The following BCKDHB variants were observed in gnomAD, a reference collection of about 807,000 sequenced individuals.
The protein encoded by BCKDHB is 2-oxoisovalerate dehydrogenase subunit beta, mitochondrial.
BCKDHB carries 41 observed loss-of-function variants against 48.5 expected under a neutral mutation model. The ratio of observed to expected loss-of-function variants is 0.85; its 90% CI spans 0.66 to 1.10. The LOEUF is 1.10. BCKDHB is among the 50% of genes least tolerant of loss of function. BCKDHB has a pLI of 0.00. For synonymous variants in BCKDHB, 201 were observed against 174.8 expected (o/e 1.15, Z -1.18); for missense variants, 496 against 494.2 (o/e 1.00, Z -0.03).
chr6:80,411,969 G>T, the BCKDHB span, among the ~76,000 whole-genome samples: 1 of 152,182 alleles, frequency 6.6e-6, no homozygotes, highest in Admixed American at 6.5e-5. Flanking sequence ...TGCACCCACT[G>T]TCCAGCCAGT....
At chr6:80,391,693 C>A in the BCKDHB span, among the ~76,000 whole-genome samples, 16 of 152,066 alleles carry the variant, frequency 1.1e-4, no homozygotes, top group Non-Finnish European at 1.9e-4. Context: ...TCCTAGATAC[C>A]TAGTACAGGT....
intron 8 of BCKDHB, among the ~76,000 whole-genome samples, chr6:80,230,036 T>TTTG (rs1775850204): frequency 1.6e-5 from 2 of 121,416 alleles, no homozygotes; most frequent in African/African-American, 6.5e-5. Flanking sequence ...GTTTTTTTTT[T>TTTG]TTTTTTTTTT....
chr6:80,425,230 C>G, the BCKDHB span, among the ~76,000 whole-genome samples: 3 of 152,180 alleles, frequency 2.0e-5, no homozygotes, highest in Non-Finnish European at 2.9e-5. Flanking sequence ...TGTATGTATA[C>G]CACAGTTTTG....
chr6:80,462,837 T>C, the BCKDHB span: 13,434 of 152,250 alleles, frequency 0.088, 665 homozygotes, highest in Non-Finnish European at 0.11. Flanking sequence ...TAGATTTTCT[T>C]CTTCCAAATG....
chr6:80,123,333 G>A (rs975332030), intron 1 of BCKDHB, among the ~76,000 whole-genome samples: 12 of 152,182 alleles, frequency 7.9e-5, no homozygotes, highest in Non-Finnish European at 1.5e-4. Context: ...AGTAAAACAG[G>A]TGTAAGAAAT....
At chr6:80,176,310 C>G (rs2127785065) in intron 6 of BCKDHB, among the ~76,000 whole-genome samples, 1 of 152,222 alleles carries the variant, frequency 6.6e-6, no homozygotes, top group Admixed American at 6.5e-5. Flanking sequence ...TAAATATATA[C>G]TGAGCTGGCA....
At chr6:80,401,523 G>A in the BCKDHB span, among the ~76,000 whole-genome samples, 4 of 151,728 alleles carry the variant, frequency 2.6e-5, no homozygotes, top group Admixed American at 2.0e-4. Context: ...TTGGAGAAGG[G>A]TCCTGGTGGG....
chr6:80,208,315 GA>G (rs1774763251), intron 8 of BCKDHB, among the ~76,000 whole-genome samples: 4 of 151,774 alleles, frequency 2.6e-5, no homozygotes, highest in Admixed American at 2.6e-4. Flanking sequence ...AAAGTTTCAA[GA>G]ACCAGCTTAA....
At chr6:80,201,113 A>G in intron 7 of BCKDHB, 82 bp downstream of exon 7, 1 of 1,185,112 alleles carries the variant, frequency 8.4e-7, no homozygotes, top group African/African-American at 1.5e-5. Context: ...TGAAAAATTG[A>G]AAACGATGTT....
intron 9 of BCKDHB, among the ~76,000 whole-genome samples, chr6:80,318,626 A>G (rs1768559536): frequency 6.6e-6 from 1 of 151,288 alleles, no homozygotes; most frequent in Non-Finnish European, 1.5e-5. Flanking sequence ...TGGAGGTTGC[A>G]GTGAGCCAAG....
At chr6:80,144,621 C>T (rs911127080) in intron 3 of BCKDHB, among the ~76,000 whole-genome samples, 2 of 152,096 alleles carry the variant, frequency 1.3e-5, no homozygotes, top group African/African-American at 4.8e-5. Context: ...GCCAAATAGT[C>T]TCAATGAAGC....
chr6:80,338,920 A>G (rs1170528039), intron 9 of BCKDHB, among the ~76,000 whole-genome samples: 2 of 152,248 alleles, frequency 1.3e-5, no homozygotes, highest in East Asian at 3.9e-4. Context: ...AACCTCGGGG[A>G]GGTTAAGTCA....
At chr6:80,362,739 A>G in the BCKDHB span, among the ~76,000 whole-genome samples, 1 of 152,202 alleles carries the variant, frequency 6.6e-6, no homozygotes, top group Non-Finnish European at 1.5e-5. Context: ...TTTGATGTGA[A>G]CAAAGGGGAT....
At chr6:80,331,122 G>A (rs985066007) in intron 9 of BCKDHB, among the ~76,000 whole-genome samples, 1 of 152,144 alleles carries the variant, frequency 6.6e-6, no homozygotes, top group African/African-American at 2.4e-5. Flanking sequence ...ATAGGGAAAA[G>A]TTAGTTGCCA....
chr6:80,212,031 A>G (rs1307570920), intron 8 of BCKDHB, among the ~76,000 whole-genome samples: 1 of 152,188 alleles, frequency 6.6e-6, no homozygotes, highest in Admixed American at 6.5e-5. Flanking sequence ...GGACAAAGGG[A>G]AAAAGCAGAA....
chr6:80,135,268 G>T (rs570985894), intron 3 of BCKDHB, among the ~76,000 whole-genome samples: 1 of 152,040 alleles, frequency 6.6e-6, no homozygotes, highest in Admixed American at 6.6e-5. Context: ...ATGGGGGTTT[G>T]GTTTCTGGGT....
At chr6:80,401,296 G>A in the BCKDHB span, among the ~76,000 whole-genome samples, 8 of 151,838 alleles carry the variant, frequency 5.3e-5, no homozygotes, top group East Asian at 9.6e-4. Flanking sequence ...CTTAATATAT[G>A]CCTCTCAATG....
rs1766529446 is a variant in BCKDHB at position 80,284,479 on chromosome 6, AACTT to A, written c.1038+11260_1038+11263del. 5.6e-5 allele frequency among the ~76,000 whole-genome samples: 3 copies of A among 53,840 alleles called. No individual in the cohort carries two copies. In the Admixed American group the frequency reaches 8.6e-4, roughly 15 times the overall value. The allele number at this position is 53,840 out of a possible 152,430, so 35.3% of individuals were successfully genotyped here. A position where few individuals can be genotyped will look rare whatever the true frequency, so the allele number is the denominator to read the frequency against. ...ATGTTTGATCATTTTCTTTCAAGTT[AACTT>A]AAAAAGTGACTTTATTTTTGCTTCT... On this transcript the variant is annotated intron_variant, in intron 9 of 9. Transcript: ENST00000320393.
At chr6:80,413,831 G>C in the BCKDHB span, among the ~76,000 whole-genome samples, 1 of 152,154 alleles carries the variant, frequency 6.6e-6, no homozygotes, top group Non-Finnish European at 1.5e-5. Context: ...TGGGGTTGCT[G>C]GGTCATATAG....
Sources: gnomAD v4.1 joint callset for allele counts (sites outside exome capture counted in the v4.1 genomes callset) on GRCh38, gnomAD v4.1.1 for gene constraint, MANE v1.5 for transcripts, NCBI Gene and HGNC (gene_info 2026-07-23, HGNC 2026-07-21) for gene names.